SMYD3: variants seen among roughly 807,000 people sequenced by gnomAD.
SMYD3 encodes the protein histone-lysine N-methyltransferase SMYD3.
In SMYD3, 36 loss-of-function variants were observed where a neutral mutation model predicts 57.7. The observed-to-expected ratio is 0.62, with a 90% CI of 0.48 to 0.82. The LOEUF is 0.82. Among genes scored for constraint, SMYD3 ranks in the 40% least tolerant of loss-of-function variants. SMYD3 has a pLI of 0.00. For synonymous variants in SMYD3, 211 were observed against 195.0 expected, an observed-to-expected ratio of 1.08 and a Z score of -0.68; for missense variants, 515 against 538.8, an observed-to-expected ratio of 0.96 and a Z score of 0.44.
At chr1:245,894,120 G>T (rs1321077825) in intron 8 of SMYD3, among the ~76,000 whole-genome samples, 2 of 152,190 alleles carry the variant, frequency 1.3e-5, no homozygotes, top group Non-Finnish European at 2.9e-5. Flanking sequence ...TGTCTTACAA[G>T]GGGATTGTAA....
chr1:246,119,481 C>G (rs1276487105), intron 5 of SMYD3, among the ~76,000 whole-genome samples: 2 of 147,716 alleles, frequency 1.4e-5, no homozygotes, highest in East Asian at 4.0e-4. Context: ...GGCATGATCT[C>G]TGCTCACTGC....
At chr1:245,804,251 C>A (rs535925862) in intron 10 of SMYD3, among the ~76,000 whole-genome samples, 1 of 152,288 alleles carries the variant, frequency 6.6e-6, no homozygotes, top group East Asian at 1.9e-4. Context: ...CTCATGCATA[C>A]ACACACAATA....
At chr1:245,954,930 A>G (rs548864759) in intron 5 of SMYD3, among the ~76,000 whole-genome samples, 202 of 151,662 alleles carry the variant, frequency 1.3e-3, no homozygotes, top group African/African-American at 4.8e-3. Flanking sequence ...CAAAAGAGAA[A>G]CAGGAGATCT....
chr1:246,142,246 AG>A (rs920559861), intron 5 of SMYD3, among the ~76,000 whole-genome samples: 3 of 152,234 alleles, frequency 2.0e-5, no homozygotes, highest in Non-Finnish European at 4.4e-5. Context: ...AATTAGGCAC[AG>A]AGATTAACAA....
At chr1:246,211,647 T>C (rs879763884) in intron 5 of SMYD3, among the ~76,000 whole-genome samples, 1 of 152,138 alleles carries the variant, frequency 6.6e-6, no homozygotes, top group Non-Finnish European at 1.5e-5. Flanking sequence ...GAAGAGGTAG[T>C]AATTTTTATC....
intron 5 of SMYD3, among the ~76,000 whole-genome samples, chr1:246,176,268 C>T (rs1286604520): frequency 6.6e-6 from 1 of 152,160 alleles, no homozygotes; most frequent in Non-Finnish European, 1.5e-5. Context: ...CTCAACTACA[C>T]CCATAAGTAC....
intron 10 of SMYD3, among the ~76,000 whole-genome samples, chr1:245,850,253 T>G (rs1242004564): frequency 6.6e-6 from 1 of 152,204 alleles, no homozygotes. Flanking sequence ...CACTGCACAA[T>G]TTTTGTTGAT....
chr1:246,335,533 T>C lies in SMYD3; in HGVS notation c.229-59A>G, dbSNP rs1268853275. 2.2e-6 allele frequency: 3 copies of C among 1,380,290 alleles called. No individual in the cohort carries two copies. The African/African-American group carries it at 4.3e-5, about 20-fold the overall frequency. The allele number at this position is 1,380,290 out of a possible 1,614,324, so 85.5% of individuals were successfully genotyped here. On this transcript the variant is annotated intron_variant, in intron 2 of 11. Coordinates refer to ENST00000490107, the MANE Select transcript of SMYD3 (RefSeq NM_001167740.2). ...CCTAAAATTTAACTTTCATTTATAC[T>C]GGTTTTGAACATCAAGAGTCATAAA... is the stretch of plus-strand genomic sequence containing the variant.
intron 5 of SMYD3, among the ~76,000 whole-genome samples, chr1:246,246,479 C>T (rs1455724602): frequency 6.6e-6 from 1 of 152,012 alleles, no homozygotes; most frequent in Non-Finnish European, 1.5e-5. Context: ...AAAATGAAGT[C>T]ATTATCATAA....
chr1:245,986,476 T>G (rs2058707200), intron 5 of SMYD3, among the ~76,000 whole-genome samples: 1 of 152,236 alleles, frequency 6.6e-6, no homozygotes, highest in Admixed American at 6.5e-5. Context: ...TTTTATAGAT[T>G]ACTCACACAG....
At position 246,034,049 on chromosome 1, in the gene SMYD3, A is replaced by C. The variant is rs149020549; in HGVS notation, c.532-104112T>G. On this transcript the variant is annotated intron_variant, in intron 5 of 11. Coordinates refer to ENST00000490107, the MANE Select transcript of SMYD3 (RefSeq NM_001167740.2). ...ATTAAATATATAGAATTGAGCAATAATTTAAAAATTATTACGTATATGAAA... is the reference window on the plus strand; with the variant it reads ...ATTAAATATATAGAATTGAGCAATACTTTAAAAATTATTACGTATATGAAA... Among the ~76,000 whole-genome samples the C allele has an allele frequency of 4.2e-4, 64 of 152,294 alleles. 1 individual carries two copies. The highest frequency in any genetic ancestry group is 1.5e-3 in the African/African-American group (61 of 41,558).
intron 5 of SMYD3, among the ~76,000 whole-genome samples, chr1:246,212,758 A>G (rs1239849348): frequency 1.3e-5 from 2 of 152,190 alleles, no homozygotes; most frequent in East Asian, 3.8e-4. Flanking sequence ...TCATTTCCAT[A>G]AAGATCTAAT....
At chr1:246,423,180 C>T (rs947475018) in intron 1 of SMYD3, among the ~76,000 whole-genome samples, 3 of 151,802 alleles carry the variant, frequency 2.0e-5, no homozygotes, top group Non-Finnish European at 2.9e-5. Context: ...GCCTATAATC[C>T]CAGCTACTCA....
chr1:246,180,909 A>C (rs1323632134), intron 5 of SMYD3, among the ~76,000 whole-genome samples: 6 of 152,036 alleles, frequency 3.9e-5, no homozygotes, highest in Admixed American at 3.9e-4. Context: ...AAGAGGCGTA[A>C]GGAGCCATAA....
At chr1:246,328,536 TG>T (rs1414110297) in intron 4 of SMYD3, among the ~76,000 whole-genome samples, 1 of 152,194 alleles carries the variant, frequency 6.6e-6, no homozygotes, top group African/African-American at 2.4e-5. Flanking sequence ...TACATCAAGT[TG>T]AACTACAGCA....
At chr1:246,284,607 G>A (rs1319542810) in intron 5 of SMYD3, among the ~76,000 whole-genome samples, 4 of 151,794 alleles carry the variant, frequency 2.6e-5, no homozygotes, top group Non-Finnish European at 5.9e-5. Flanking sequence ...TAGTAGAGAC[G>A]GGGTTTCACC....
At chr1:246,265,714 A>G (rs1248930284) in intron 5 of SMYD3, among the ~76,000 whole-genome samples, 1 of 152,228 alleles carries the variant, frequency 6.6e-6, no homozygotes, top group Non-Finnish European at 1.5e-5. Flanking sequence ...ACATGTCTTA[A>G]TAATGAGCTC....
chr1:245,929,316 A>G (rs1203049552), intron 6 of SMYD3, among the ~76,000 whole-genome samples: 1 of 152,276 alleles, frequency 6.6e-6, no homozygotes, highest in Non-Finnish European at 1.5e-5. Flanking sequence ...CTCTTATGGC[A>G]TAAAAACAAA....
intron 1 of SMYD3, among the ~76,000 whole-genome samples, chr1:246,381,959 G>A (rs962961087): frequency 6.9e-6 from 1 of 145,228 alleles, no homozygotes; most frequent in Non-Finnish European, 1.5e-5. Flanking sequence ...CCCTCCAGCT[G>A]ACACCTATGG....
Sources: allele counts gnomAD v4.1 joint callset (sites outside exome capture counted in the v4.1 genomes callset), GRCh38; gene constraint gnomAD v4.1.1; transcripts MANE v1.5; gene names NCBI Gene and HGNC (gene_info 2026-07-23, HGNC 2026-07-21).